The following ENTPD5 variants were observed in gnomAD, a reference collection of about 807,000 sequenced individuals.
The protein encoded by ENTPD5 is nucleoside diphosphate phosphatase ENTPD5.
ENTPD5 carries 49 observed loss-of-function variants against 60.2 expected under a neutral mutation model. The ratio of observed to expected loss-of-function variants is 0.81; its 90% CI spans 0.65 to 1.03. The LOEUF (loss-of-function observed/expected upper bound fraction) is 1.03, where lower values mean the gene tolerates loss of function less well. Among genes scored for constraint, ENTPD5 ranks in the 50% least tolerant of loss-of-function variants. The pLI is 0.00. For synonymous variants in ENTPD5, 187 were observed against 185.4 expected, an observed-to-expected ratio of 1.01 and a Z score of -0.07; for missense variants, 480 against 507.6, an observed-to-expected ratio of 0.95 and a Z score of 0.52.
chr14:73,963,106 A>T, downstream of ENTPD5: 1 of 974,978 alleles, frequency 1.0e-6, no homozygotes, highest in Non-Finnish European at 1.6e-6. Context: ...CTTACTTTAC[A>T]TTAAAATTCT....
intron 3 of ENTPD5, among the ~76,000 whole-genome samples, chr14:73,990,826 C>T (rs988877447): frequency 6.0e-5 from 9 of 150,958 alleles, no homozygotes; most frequent in Non-Finnish European, 7.4e-5. Context: ...GTCAGGAGTT[C>T]GAGACCAGCA....
downstream of ENTPD5, chr14:73,958,084 C>A: frequency 7.3e-7 from 1 of 1,376,748 alleles, no homozygotes; most frequent in Non-Finnish European, 1.0e-6. Flanking sequence ...TTAGTTATGG[C>A]TTTTTCCTCA....
At chr14:73,995,886 C>T (rs2058326340) in intron 3 of ENTPD5, among the ~76,000 whole-genome samples, 1 of 152,000 alleles carries the variant, frequency 6.6e-6, no homozygotes, top group African/African-American at 2.4e-5. Flanking sequence ...CCAACAAAGC[C>T]CTGTTTCCAA....
downstream of ENTPD5, chr14:73,958,694 T>C: frequency 1.5e-6 from 2 of 1,354,006 alleles, no homozygotes; most frequent in Non-Finnish European, 1.9e-6. Flanking sequence ...TACTGAAACT[T>C]TCCTTATTGC....
At chr14:73,968,614 C>T (rs1331132066) in intron 15 of ENTPD5, among the ~76,000 whole-genome samples, 6 of 151,878 alleles carry the variant, frequency 4.0e-5, no homozygotes, top group African/African-American at 1.4e-4. Flanking sequence ...TTAGTAGAGA[C>T]GGGGTTTCAC....
intron 6 of ENTPD5, among the ~76,000 whole-genome samples, chr14:73,982,405 T>C (rs555437273): frequency 6.6e-6 from 1 of 152,230 alleles, no homozygotes; most frequent in South Asian, 2.1e-4. Context: ...GTATGTAAGT[T>C]TATCTTAATA....
At position 73,964,616 on chromosome 14, in the gene ENTPD5, C is replaced by G. The variant is rs1161184164; in HGVS notation, c.*2312G>C. The G allele has an allele frequency of 1.3e-5, 2 of 152,172 alleles. No individual in the cohort carries two copies. The highest frequency in any genetic ancestry group is 2.9e-5 in the Non-Finnish European group (2 of 68,038). The allele number at this position is 152,172 out of a possible 1,614,324, so 9.4% of individuals were successfully genotyped here. On this transcript the variant is annotated 3_prime_UTR_variant, in exon 16 of 16. Transcript: ENST00000334696. ...TCAAGCTGGAACAGTCTTTAGTGAA[C>G]ACAGCTTACCTCTTTTAAAACTGCT...
chr14:73,962,526 C>T (rs2056790290), downstream of ENTPD5, among the ~76,000 whole-genome samples: 1 of 147,166 alleles, frequency 6.8e-6, no homozygotes, highest in South Asian at 2.2e-4. Context: ...ATCATTGTTA[C>T]TCAGACTGGG....
At chr14:74,006,795 G>A (rs1281151569) in intron 3 of ENTPD5, among the ~76,000 whole-genome samples, 5 of 151,790 alleles carry the variant, frequency 3.3e-5, no homozygotes, top group Non-Finnish European at 7.4e-5. Flanking sequence ...ATGTTGCCCA[G>A]GCTGGTCTCA....
chr14:73,962,647 C>T (rs746357090), downstream of ENTPD5: 15 of 260,084 alleles, frequency 5.8e-5, no homozygotes, highest in Non-Finnish European at 9.4e-5. Flanking sequence ...TGAGAACTTC[C>T]ATTTAAAGAT....
chr14:73,959,213 G>A (rs750338458), downstream of ENTPD5: 2 of 1,614,112 alleles, frequency 1.2e-6, no homozygotes, highest in African/African-American at 2.7e-5. Context: ...TGGGCCTATT[G>A]CTCTGCTCCC....
At chr14:73,961,335 C>A (rs1255058569), downstream of ENTPD5, 1 of 1,614,098 alleles carries the variant, frequency 6.2e-7, no homozygotes. Flanking sequence ...TGGGTTGGGA[C>A]ATGCTGCTGA....
At chr14:73,973,849 C>T in intron 12 of ENTPD5, 28 bp downstream of exon 12, 1 of 1,593,940 alleles carries the variant, frequency 6.3e-7, no homozygotes. Flanking sequence ...GTAAACGTAA[C>T]TTTAACCAGT....
At chr14:73,993,015 T>C (rs1273682862) in intron 3 of ENTPD5, among the ~76,000 whole-genome samples, 2 of 151,916 alleles carry the variant, frequency 1.3e-5, no homozygotes, top group African/African-American at 4.8e-5. Flanking sequence ...AATAAATACA[T>C]AAAACAAAGT....
At chr14:73,977,263 C>T (rs1434930550) in intron 7 of ENTPD5, 36 bp downstream of exon 7, 2 of 1,534,348 alleles carry the variant, frequency 1.3e-6, no homozygotes, top group Admixed American at 1.7e-5. Flanking sequence ...GATCCTGCCC[C>T]TCTCCCCCTG....
intron 12 of ENTPD5, 45 bp from the exon 13 acceptor site, chr14:73,973,069 G>A (rs1314741062): frequency 6.2e-7 from 1 of 1,607,236 alleles, no homozygotes; most frequent in Non-Finnish European, 8.5e-7. Flanking sequence ...ACGACGCTGG[G>A]GGAAGGGGAC....
At chr14:73,998,558 A>G (rs1163113465) in intron 3 of ENTPD5, among the ~76,000 whole-genome samples, 1 of 151,254 alleles carries the variant, frequency 6.6e-6, no homozygotes, top group Non-Finnish European at 1.5e-5. Flanking sequence ...ACTTTAAGAA[A>G]CCCTAAGAAA....
chr14:73,993,930 A>C (rs1457890477), intron 3 of ENTPD5, among the ~76,000 whole-genome samples: 1 of 123,564 alleles, frequency 8.1e-6, no homozygotes, highest in Admixed American at 8.4e-5. Flanking sequence ...ACAAACAAAA[A>C]AAAACAAACA....
rs764529671 is a variant in ENTPD5 at position 73,986,833 on chromosome 14, A to G, written c.278T>C (p.Phe93Ser). The change falls in exon 5 of 16, where the codon TTT becomes TCT. Residue 93 changes from phenylalanine to serine, a missense_variant. Coordinates refer to ENST00000334696, the MANE Select transcript of ENTPD5 (RefSeq NM_001249.5). ...FDSVKPGLSA[F>S]VDQPKQGAET... ...ACTCACCTGCTTAGGTTGATCTACA[A>G]AAGCAGAAAGTCCTGGCTTCACAGA... The G allele has an allele frequency of 3.1e-6, 5 of 1,613,824 alleles. No homozygotes were observed. Among genetic ancestry groups the G allele is most frequent in the Non-Finnish European group, 4.2e-6 (5 of 1,179,826 alleles).
Sources: allele counts gnomAD v4.1 joint callset (sites outside exome capture counted in the v4.1 genomes callset), GRCh38; gene constraint gnomAD v4.1.1; transcripts MANE v1.5; gene names NCBI Gene and HGNC (gene_info 2026-07-23, HGNC 2026-07-21).